The following LGR6 variants were observed in gnomAD, a reference collection of about 807,000 sequenced individuals.
The protein encoded by LGR6 is leucine rich repeat containing G protein-coupled receptor 6.
Under a neutral mutation model 69.4 loss-of-function variants are expected in LGR6, and 45 were observed. That is an observed-to-expected ratio of 0.65 (90% CI 0.51 to 0.83). LGR6 has a LOEUF of 0.83. Among genes scored for constraint, LGR6 ranks in the 40% least tolerant of loss-of-function variants. The pLI is 0.00. For synonymous variants in LGR6, 538 were observed against 555.0 expected (o/e 0.97, Z 0.43); for missense variants, 1,108 against 1,246.7 (o/e 0.89, Z 1.68).
intron 1 of LGR6, 103 bp downstream of exon 1, chr1:202,194,304 G>C: frequency 1.3e-6 from 1 of 775,704 alleles, no homozygotes; most frequent in Non-Finnish European, 2.0e-6. Flanking sequence ...CTGGGGCATG[G>C]GCATCCCGGA....
chr1:202,266,326 G>A (rs2148123932), intron 4 of LGR6, among the ~76,000 whole-genome samples: 1 of 152,244 alleles, frequency 6.6e-6, no homozygotes. Flanking sequence ...CTCTCGGACG[G>A]ACAGAGCCAC....
chr1:202,232,405 A>G (rs1314596571), intron 3 of LGR6, among the ~76,000 whole-genome samples: 1 of 152,176 alleles, frequency 6.6e-6, no homozygotes, highest in Non-Finnish European at 1.5e-5. Context: ...CTACTGGACC[A>G]ACGGCTGCAT....
rs1277336147 is a variant in LGR6, at chr1:202,318,671, G to A, written c.2368G>A (p.Ala790Thr). 1 of 1,613,748 alleles carries A rather than the reference G, an allele frequency of 6.2e-7. No homozygotes were observed. The highest frequency in any genetic ancestry group is 8.5e-7 in the Non-Finnish European group (1 of 1,180,028). Reference sequence around the variant, plus strand: ...AGACGGGCTCCTCTACTGTCCCGTGGCCTTCCTCAGCTTTGCCTCCATGCT... The same window carrying A: ...AGACGGGCTCCTCTACTGTCCCGTGACCTTCCTCAGCTTTGCCTCCATGCT... ...FADGLLYCPV[A>T]FLSFASMLGL... is the part of the protein sequence containing the mutation. Residue 790 changes from alanine (A) to threonine (T), a missense_variant, in exon 18 of 18, where the codon GCC becomes ACC. Coordinates refer to ENST00000367278, the MANE Select transcript of LGR6 (RefSeq NM_001017403.2).
intron 2 of LGR6, among the ~76,000 whole-genome samples, chr1:202,225,815 C>A (rs1660504795): frequency 6.6e-6 from 1 of 152,132 alleles, no homozygotes; most frequent in African/African-American, 2.4e-5. Flanking sequence ...CAGCCCCTCC[C>A]CAAGTCCTGG....
Position 202,318,547 on chromosome 1 carries a change from C to T in LGR6, c.2244C>T (p.Ala748=), listed in dbSNP as rs151180391. Residue 748 remains alanine, a synonymous_variant, in exon 18 of 18, where the codon GCC becomes GCT. Coordinates refer to ENST00000367278, the MANE Select transcript of LGR6 (RefSeq NM_001017403.2). ...MMNSFCFLVV[A]GAYIKLYCDL... ...ACTCCTTCTGTTTCCTGGTCGTGGC[C>T]GGTGCCTACATCAAACTGTACTGTG... 228 of 1,614,080 alleles carry T rather than the reference C, an allele frequency of 1.4e-4. 1 individual carries two copies. The African/African-American group carries it at 2.6e-3, about 18-fold the overall frequency.
Position 202,235,959 on chromosome 1 carries a change from G to A in LGR6, c.394G>A (p.Glu132Lys). Reference protein sequence around the residue: ...QNNQLGGIPAEALWELPSLQS... With the variant: ...QNNQLGGIPAKALWELPSLQS... ...CAATCAGCTGGGAGGAATCCCCGCA[G>A]AGGCGCTGTGGGAGCTGCCGAGCCT... The change falls in exon 4 of 18, where the codon GAG becomes AAG. Residue 132 changes from glutamate (E) to lysine (K), a missense_variant. By Grantham distance (56) the Glu-to-Lys change is moderately conservative (BLOSUM62 1). Transcript: ENST00000367278. 6.2e-7 allele frequency: 1 copy of A among 1,614,002 alleles called. No homozygotes were observed. The highest frequency in any genetic ancestry group is 8.5e-7 in the Non-Finnish European group (1 of 1,180,008).
chr1:202,199,403 T>C (rs1481873293), intron 1 of LGR6, among the ~76,000 whole-genome samples: 1 of 151,980 alleles, frequency 6.6e-6, no homozygotes, highest in Non-Finnish European at 1.5e-5. Flanking sequence ...GGTGAATGTG[T>C]GGGGGAGCCA....
intron 4 of LGR6, among the ~76,000 whole-genome samples, chr1:202,242,637 A>T (rs1662308893): frequency 6.6e-6 from 1 of 152,084 alleles, no homozygotes; most frequent in Admixed American, 6.5e-5. Flanking sequence ...ATCTTTTTTG[A>T]ACCCTTCCAG....
At position 202,280,761 on chromosome 1, in the gene LGR6, C is replaced by A; in HGVS notation, c.645-20C>A. The A allele has an allele frequency of 6.2e-7, 1 of 1,613,582 alleles. No homozygotes were observed. Among genetic ancestry groups the A allele is most frequent in the South Asian group, 1.1e-5 (1 of 91,064 alleles). On this transcript the variant is annotated intron_variant, in intron 5 of 17. Coordinates refer to ENST00000367278, the MANE Select transcript of LGR6 (RefSeq NM_001017403.2). ...AGTGCCGTGGGCACCCATTCTGATG[C>A]GTCTTTCCTTCCCGTGCAGGCATTT...
At chr1:202,196,804 G>A (rs901589132) in intron 1 of LGR6, among the ~76,000 whole-genome samples, 2 of 152,186 alleles carry the variant, frequency 1.3e-5, no homozygotes, top group African/African-American at 4.8e-5. Context: ...GTGGGTGAGT[G>A]TAGAATTCAA....
chr1:202,199,375 G>A (rs1402047676), intron 1 of LGR6, among the ~76,000 whole-genome samples: 3 of 152,104 alleles, frequency 2.0e-5, no homozygotes, highest in South Asian at 2.1e-4. Context: ...AGGCAGACCC[G>A]GGGGGTCGCC....
intron 6 of LGR6, among the ~76,000 whole-genome samples, chr1:202,293,613 C>T (rs182542725): frequency 3.0e-4 from 46 of 152,130 alleles, no homozygotes; most frequent in South Asian, 2.9e-3. Flanking sequence ...CCATCAGGAG[C>T]GGAGAGAGTT....
chr1:202,274,620 C>T (rs1194345269), intron 4 of LGR6, among the ~76,000 whole-genome samples: 1 of 152,168 alleles, frequency 6.6e-6, no homozygotes, highest in Non-Finnish European at 1.5e-5. Context: ...AATCCAGGTT[C>T]TGATTTAGTA....
At chr1:202,288,724 A>C (rs1352104494) in intron 6 of LGR6, among the ~76,000 whole-genome samples, 1 of 152,170 alleles carries the variant, frequency 6.6e-6, no homozygotes, top group Non-Finnish European at 1.5e-5. Context: ...AATGGCCTGG[A>C]TATGGACTGA....
intron 1 of LGR6, chr1:202,214,263 C>T (rs762676511): frequency 5.9e-6 from 9 of 1,520,064 alleles, no homozygotes; most frequent in Non-Finnish European, 7.9e-6. Flanking sequence ...GGGTGCCGAG[C>T]TCCGGAAAGT....
At chr1:202,251,400 C>T (rs554857025) in intron 4 of LGR6, among the ~76,000 whole-genome samples, 142 of 152,344 alleles carry the variant, frequency 9.3e-4, no homozygotes, top group African/African-American at 3.3e-3. Flanking sequence ...GTCCCTGCAG[C>T]CCCTGAGCCT....
chr1:202,251,418 G>T (rs1663232931), intron 4 of LGR6, among the ~76,000 whole-genome samples: 1 of 152,204 alleles, frequency 6.6e-6, no homozygotes. Context: ...CCTTCATAGG[G>T]AATGGAGAGG....
Position 202,318,603 on chromosome 1 carries a change from G to GGGAA in LGR6, c.2303_2304insAGGA (p.Asp768GlufsTer71). On this transcript the variant is annotated frameshift_variant, in exon 18 of 18. Coordinates refer to ENST00000367278, the MANE Select transcript of LGR6 (RefSeq NM_001017403.2). LOFTEE classifies it low-confidence loss of function (END_TRUNC). ...CCGCGGGGCGACTTTGAGGCCGTGT[G>GGGAA]GGACTGCGCCATGGTGAGGCACGTG... The GGGAA allele has an allele frequency of 6.2e-7, 1 of 1,613,992 alleles. No homozygotes were observed. Among genetic ancestry groups the GGGAA allele is most frequent in the Non-Finnish European group, 8.5e-7 (1 of 1,180,026 alleles).
intron 11 of LGR6, 102 bp downstream of exon 11, chr1:202,304,732 C>T (rs995557059): frequency 3.3e-6 from 3 of 921,486 alleles, no homozygotes; most frequent in Middle Eastern, 2.2e-4. Flanking sequence ...ATTTCCCTTC[C>T]TGGAGAATGG....
Sources: gnomAD v4.1 joint callset for allele counts (sites outside exome capture counted in the v4.1 genomes callset) on GRCh38, gnomAD v4.1.1 for gene constraint, MANE v1.5 for transcripts, NCBI Gene and HGNC (gene_info 2026-07-23, HGNC 2026-07-21) for gene names.